AVEN: variants seen among roughly 807,000 people sequenced by gnomAD.
AVEN encodes apoptosis and caspase activation inhibitor, also known as cell death regulator Aven.
A neutral mutation model predicts 38.1 loss-of-function variants in AVEN; 41 were observed. That is an observed-to-expected ratio of 1.08 (90% confidence interval 0.84 to 1.40). The LOEUF (loss-of-function observed/expected upper bound fraction) is 1.40, where lower values mean the gene tolerates loss of function less well. Among genes scored for constraint, AVEN ranks in the 40% most tolerant of loss-of-function variants. The pLI is 0.00. For missense variants in AVEN, 605 were observed against 438.8 expected (o/e 1.38, Z -3.38); for synonymous variants, 206 against 171.8 (o/e 1.20, Z -1.56).
intron 2 of AVEN, among the ~76,000 whole-genome samples, chr15:33,896,065 A>T (rs1226807457): frequency 6.6e-6 from 1 of 152,218 alleles, no homozygotes; most frequent in East Asian, 1.9e-4. Flanking sequence ...CCTAACAAAT[A>T]TTAAAAGCAA....
At chr15:34,035,592 A>G (rs1899076515) in intron 1 of AVEN, among the ~76,000 whole-genome samples, 2 of 152,202 alleles carry the variant, frequency 1.3e-5, no homozygotes, top group Admixed American at 1.3e-4. Flanking sequence ...GAGTTATTTA[A>G]CGGTGCCTCA....
At chr15:34,017,496 T>TC in intron 1 of AVEN, among the ~76,000 whole-genome samples, 1 of 113,246 alleles carries the variant, frequency 8.8e-6, no homozygotes, top group Non-Finnish European at 2.2e-5. Context: ...TTTTTTTTTT[T>TC]TTTTGAGACA....
intron 2 of AVEN, among the ~76,000 whole-genome samples, chr15:33,973,891 C>T (rs1371097613): frequency 6.6e-6 from 1 of 152,154 alleles, no homozygotes; most frequent in Non-Finnish European, 1.5e-5. Flanking sequence ...CAATCTCAGA[C>T]AGCCAGAAGA....
Position 33,867,548 on chromosome 15 carries a change from G to T in AVEN, c.920C>A (p.Thr307Lys), listed in dbSNP as rs115892491. Residue 307 changes from threonine (T) to lysine (K), a missense_variant, in exon 5 of 6, where the codon ACG (threonine) becomes AAG (lysine). Transcript: ENST00000306730. Reference protein sequence around the residue: ...KEGDNILPDQTSQDLKSKEDG... With the variant: ...KEGDNILPDQKSQDLKSKEDG... ...TTCCTTGGATTTCAGGTCCTGAGACGTCTGATCTGGTAAGATGTTATCTCC... is the reference window on the plus strand; with the variant it reads ...TTCCTTGGATTTCAGGTCCTGAGACTTCTGATCTGGTAAGATGTTATCTCC... 4.8e-4 allele frequency: 767 copies of T among 1,611,986 alleles called. 5 individuals are homozygous for T. In the African/African-American group the frequency reaches 9.4e-3, roughly 20 times the overall value.
Position 33,983,425 on chromosome 15 carries a change from G to A in AVEN, c.445+19607C>T, listed in dbSNP as rs533888024. Among the ~76,000 whole-genome samples, 75 of 151,914 alleles carry A rather than the reference G, an allele frequency of 4.9e-4. 1 individual carries two copies. In the South Asian group the frequency reaches 7.6e-3, roughly 15 times the overall value. ...CCATTCTTCAAAGAAATTGACAGAA[G>A]GGTCAATGACACAAGAATAGCACCA... On this transcript the variant is annotated intron_variant, in intron 2 of 5. Transcript: ENST00000306730.
intron 2 of AVEN, among the ~76,000 whole-genome samples, chr15:33,999,434 C>T (rs1424470636): frequency 1.3e-5 from 2 of 152,106 alleles, no homozygotes; most frequent in African/African-American, 4.8e-5. Context: ...GTGTGCCAGC[C>T]ATTTATTAAG....
intron 2 of AVEN, among the ~76,000 whole-genome samples, chr15:34,069,678 T>C (rs1241764528): frequency 6.6e-6 from 1 of 152,198 alleles, no homozygotes; most frequent in African/African-American, 2.4e-5. Context: ...AAGATTTGCT[T>C]ATAATTTTTT....
At chr15:33,894,893 A>T (rs996243641) in intron 2 of AVEN, among the ~76,000 whole-genome samples, 3 of 150,682 alleles carry the variant, frequency 2.0e-5, no homozygotes, top group Non-Finnish European at 4.4e-5. Flanking sequence ...CTGTTTCCAC[A>T]CAACTTTTTC....
the AVEN span, chr15:33,853,153 C>A: frequency 7.6e-7 from 1 of 1,316,138 alleles, no homozygotes. Context: ...TTTTTAAGTT[C>A]TCCACATACA....
At chr15:34,024,628 G>A (rs879308301) in intron 1 of AVEN, among the ~76,000 whole-genome samples, 12 of 151,532 alleles carry the variant, frequency 7.9e-5, no homozygotes, top group Non-Finnish European at 1.3e-4. Context: ...CGAGGCGGGC[G>A]GATCATGAGG....
At chr15:34,030,131 G>T (rs1033294469) in intron 1 of AVEN, among the ~76,000 whole-genome samples, 29 of 152,014 alleles carry the variant, frequency 1.9e-4, no homozygotes, top group Admixed American at 4.6e-4. Flanking sequence ...GCACATGTCT[G>T]TAATCCCAGC....
chr15:33,860,869 A>G (rs547597740), intron 11 of AVEN, among the ~76,000 whole-genome samples: 1 of 151,700 alleles, frequency 6.6e-6, no homozygotes, highest in Non-Finnish European at 1.5e-5. Flanking sequence ...AGGAGGGAGC[A>G]GTATCCTCAG....
intron 2 of AVEN, among the ~76,000 whole-genome samples, chr15:33,903,394 T>G (rs1183611928): frequency 6.6e-6 from 1 of 152,178 alleles, no homozygotes; most frequent in African/African-American, 2.4e-5. Flanking sequence ...TCCTTCTAGT[T>G]TTTGAACACA....
intron 2 of AVEN, among the ~76,000 whole-genome samples, chr15:33,942,220 C>G (rs750525335): frequency 6.6e-6 from 1 of 152,130 alleles, no homozygotes; most frequent in Non-Finnish European, 1.5e-5. Context: ...TTGTCAAATT[C>G]TATGTTTGTA....
At chr15:33,853,441 C>T in the AVEN span, 1 of 1,308,592 alleles carries the variant, frequency 7.6e-7, no homozygotes. Context: ...ACTATGTCTT[C>T]ATCTACCCCT....
At position 33,867,491 on chromosome 15, in the gene AVEN, A is replaced by G. The variant is rs1555502251; in HGVS notation, c.973+4T>C. 2.6e-6 allele frequency: 4 copies of G among 1,560,378 alleles called. No homozygotes were observed. Among genetic ancestry groups the G allele is most frequent in the South Asian group, 1.3e-5 (1 of 79,836 alleles). On this transcript the variant is annotated splice_donor_region_variant and intron_variant, in intron 5 of 5. Transcript: ENST00000306730. ...ATTCACGGGGAATAAAATGAAAGCC[A>G]TACCTTCTTCCTCTTGGACCACCTC...
Position 33,866,576 on chromosome 15 carries a change from C to A in AVEN, c.*37G>T. On this transcript the variant is annotated 3_prime_UTR_variant, in exon 6 of 6. Coordinates refer to ENST00000306730, the MANE Select transcript of AVEN (RefSeq NM_020371.3). Reference sequence around the variant, plus strand: ...CTTATGCCCACCTGCCGTTAGAAGGCAACCAAGATTTGCTTCAGGCACTTT... The same window carrying A: ...CTTATGCCCACCTGCCGTTAGAAGGAAACCAAGATTTGCTTCAGGCACTTT... 1 of 1,535,566 alleles carries A rather than the reference C, an allele frequency of 6.5e-7. No individual in the cohort carries two copies. Among genetic ancestry groups the A allele is most frequent in the Non-Finnish European group, 9.0e-7 (1 of 1,110,380 alleles).
At chr15:33,960,406 G>A in intron 2 of AVEN, among the ~76,000 whole-genome samples, 1 of 149,898 alleles carries the variant, frequency 6.7e-6, no homozygotes, top group South Asian at 2.1e-4. Flanking sequence ...AAATGAGGAA[G>A]AGAGTCTGTG....
intron 2 of AVEN, among the ~76,000 whole-genome samples, chr15:33,920,882 A>T (rs495954): frequency 0.53 from 80,927 of 151,798 alleles, 21,918 homozygotes; most frequent in South Asian, 0.72. Flanking sequence ...TTCAAGCGAT[A>T]CTCCTGCCTC....
Sources: gnomAD v4.1 joint callset for allele counts (sites outside exome capture counted in the v4.1 genomes callset) on GRCh38, gnomAD v4.1.1 for gene constraint, MANE v1.5 for transcripts, NCBI Gene and HGNC (gene_info 2026-07-23, HGNC 2026-07-21) for gene names.